The following FAF1 variants were observed in gnomAD, a reference collection of about 807,000 sequenced individuals.
FAF1 encodes FAS-associated factor 1.
Under a neutral mutation model 92.5 loss-of-function variants are expected in FAF1, and 25 were observed. The ratio of observed to expected loss-of-function variants is 0.27; its 90% confidence interval spans 0.20 to 0.38. The LOEUF (loss-of-function observed/expected upper bound fraction) is 0.38, where lower values mean the gene tolerates loss of function less well. Ranked by LOEUF, FAF1 falls within the 10% of genes least tolerant of loss-of-function variation. FAF1 has a pLI of 1.00. For missense variants in FAF1, 636 were observed against 793.3 expected (o/e 0.80, Z 2.38); for synonymous variants, 234 against 273.2 (o/e 0.86, Z 1.42).
rs58392694 is a variant in FAF1 at position 50,543,756 on chromosome 1, G to GT, written c.1269-4029dup. Among the ~76,000 whole-genome samples the GT allele has an allele frequency of 2.1e-3, 313 of 145,584 alleles. 1 individual carries two copies. Among genetic ancestry groups the GT allele is most frequent in the African/African-American group, 5.5e-3 (219 of 40,040 alleles). On this transcript the variant is annotated intron_variant, in intron 13 of 18. Transcript: ENST00000396153. ...TGTTGACTAAACCAACACTGTCACT[G>GT]TTTTTTTTTTTCCATTCAGAAAATG...
chr1:50,543,044 G>A (rs1483600307), intron 13 of FAF1, among the ~76,000 whole-genome samples: 2 of 152,178 alleles, frequency 1.3e-5, no homozygotes, highest in East Asian at 3.8e-4. Flanking sequence ...AATATAAACA[G>A]AATATCTGAT....
intron 1 of FAF1, among the ~76,000 whole-genome samples, chr1:50,898,369 A>T (rs1013114229): frequency 6.6e-6 from 1 of 152,222 alleles, no homozygotes; most frequent in Non-Finnish European, 1.5e-5. Context: ...ATGCAGCTAT[A>T]AAAGAAATAA....
intron 1 of FAF1, among the ~76,000 whole-genome samples, chr1:50,935,525 C>T (rs1557595638): frequency 6.7e-6 from 1 of 148,652 alleles, no homozygotes; most frequent in Non-Finnish European, 1.5e-5. Flanking sequence ...GACTAGAGTG[C>T]AGTAGCAGGG....
intron 2 of FAF1, among the ~76,000 whole-genome samples, chr1:50,805,382 C>T (rs1662154159): frequency 6.6e-6 from 1 of 152,094 alleles, no homozygotes; most frequent in African/African-American, 2.4e-5. Flanking sequence ...GAAAACAATA[C>T]CCTCTAAAAT....
chr1:50,768,148 C>A (rs1471623485), intron 4 of FAF1, among the ~76,000 whole-genome samples: 3 of 152,100 alleles, frequency 2.0e-5, no homozygotes, highest in Admixed American at 6.6e-5. Context: ...GGTTGCTATT[C>A]TAACTTCAGA....
At chr1:50,941,574 T>C (rs1645133328) in intron 1 of FAF1, among the ~76,000 whole-genome samples, 1 of 152,100 alleles carries the variant, frequency 6.6e-6, no homozygotes, top group Admixed American at 6.5e-5. Flanking sequence ...GCCCAGGCAA[T>C]ACTGAATTCC....
At chr1:50,828,334 T>A (rs1241289494) in intron 2 of FAF1, among the ~76,000 whole-genome samples, 1 of 151,596 alleles carries the variant, frequency 6.6e-6, no homozygotes, top group East Asian at 1.9e-4. Context: ...AGTGGCACGA[T>A]CTTGGCTCAC....
chr1:50,761,678 G>A (rs1443292937), intron 4 of FAF1, among the ~76,000 whole-genome samples: 1 of 152,168 alleles, frequency 6.6e-6, no homozygotes, highest in Non-Finnish European at 1.5e-5. Flanking sequence ...CGGTATTGAT[G>A]GGACGTATCT....
intron 6 of FAF1, among the ~76,000 whole-genome samples, chr1:50,737,867 A>C (rs1301162408): frequency 6.6e-6 from 1 of 152,188 alleles, no homozygotes; most frequent in Non-Finnish European, 1.5e-5. Context: ...ACCACAAAAA[A>C]ATCACCAAGT....
At chr1:50,826,693 A>T (rs1190525772) in intron 2 of FAF1, among the ~76,000 whole-genome samples, 1 of 152,220 alleles carries the variant, frequency 6.6e-6, no homozygotes. Flanking sequence ...ACAGATATTT[A>T]AAAGATCATA....
chr1:50,524,725 T>C (rs1199809739), intron 15 of FAF1, among the ~76,000 whole-genome samples: 1 of 152,218 alleles, frequency 6.6e-6, no homozygotes. Flanking sequence ...GAGTTTTCTA[T>C]TCTGTTCCAT....
chr1:50,802,720 CCAA>C (rs1336791634), intron 2 of FAF1, among the ~76,000 whole-genome samples: 6 of 152,138 alleles, frequency 3.9e-5, no homozygotes, highest in African/African-American at 1.4e-4. Flanking sequence ...CAACATAAGC[CCAA>C]CTTTTCCAAC....
At chr1:50,696,906 T>C (rs192148734) in intron 7 of FAF1, among the ~76,000 whole-genome samples, 5 of 152,330 alleles carry the variant, frequency 3.3e-5, no homozygotes, top group Non-Finnish European at 5.9e-5. Flanking sequence ...AATATATACT[T>C]AGCAAATTGT....
chr1:50,788,106 T>G lies in FAF1; in HGVS notation c.261A>C (p.Val87=). 4 of 1,614,122 alleles carry G rather than the reference T, an allele frequency of 2.5e-6. No individual in the cohort carries two copies. The highest frequency in any genetic ancestry group is 3.4e-6 in the Non-Finnish European group (4 of 1,179,980). ...TTTCTACAATCTGCCTGGATGGCAT[T>G]ACAGGTCGAAACGCTGAAGAAGAAG... ...TSSSSSAFRP[V]MPSRQIVERQ... Residue 87 remains valine (V), a synonymous_variant, in exon 4 of 19, where the codon GTA becomes GTC. Coordinates refer to ENST00000396153, the MANE Select transcript of FAF1 (RefSeq NM_007051.3).
At chr1:50,636,715 C>T (rs1355800739) in intron 8 of FAF1, among the ~76,000 whole-genome samples, 1 of 152,072 alleles carries the variant, frequency 6.6e-6, no homozygotes, top group East Asian at 1.9e-4. Context: ...TAATGAAGTC[C>T]AATTTATCCA....
At chr1:50,442,922 G>A (rs1369843045) in intron 18 of FAF1, among the ~76,000 whole-genome samples, 1 of 152,186 alleles carries the variant, frequency 6.6e-6, no homozygotes, top group East Asian at 1.9e-4. Flanking sequence ...TATCTCTTGG[G>A]TTGTGGGCAG....
intron 7 of FAF1, among the ~76,000 whole-genome samples, chr1:50,665,691 G>C (rs1056442373): frequency 6.6e-6 from 1 of 152,232 alleles, no homozygotes; most frequent in Middle Eastern, 3.4e-3. Context: ...GGCCTAAAAA[G>C]CCCAAAATAG....
chr1:50,759,265 G>A (rs1453072134), intron 4 of FAF1, among the ~76,000 whole-genome samples: 1 of 150,426 alleles, frequency 6.6e-6, no homozygotes, highest in Non-Finnish European at 1.5e-5. Flanking sequence ...TCGTCATTTA[G>A]CATTAGGTAT....
intron 15 of FAF1, among the ~76,000 whole-genome samples, chr1:50,524,631 T>C (rs1035826613): frequency 6.6e-6 from 1 of 152,236 alleles, no homozygotes; most frequent in Non-Finnish European, 1.5e-5. Context: ...GCACCATTTA[T>C]TGAATAGGGA....
Sources: allele counts gnomAD v4.1 joint callset (sites outside exome capture counted in the v4.1 genomes callset), GRCh38; gene constraint gnomAD v4.1.1; transcripts MANE v1.5; gene names NCBI Gene and HGNC (gene_info 2026-07-23, HGNC 2026-07-21).